SYNDIG1: variants seen among roughly 807,000 people sequenced by gnomAD.
SYNDIG1 encodes the protein synapse differentiation inducing 1, also known as synapse differentiation-inducing gene protein 1.
A neutral mutation model predicts 19.4 loss-of-function variants in SYNDIG1; 9 were observed. That is an observed-to-expected ratio of 0.46 (90% CI 0.28 to 0.81). The LOEUF (loss-of-function observed/expected upper bound fraction) is 0.81. SYNDIG1 is among the 30% of genes least tolerant of loss of function. SYNDIG1 has a pLI of 0.12. For missense variants in SYNDIG1, 311 were observed against 343.3 expected (o/e 0.91, Z 0.74); for synonymous variants, 141 against 145.9 (o/e 0.97, Z 0.24).
At chr20:24,580,369 GT>G (rs1299303752) in intron 2 of SYNDIG1, among the ~76,000 whole-genome samples, 1 of 152,092 alleles carries the variant, frequency 6.6e-6, no homozygotes, top group Admixed American at 6.5e-5. Flanking sequence ...GAGCTGGGGT[GT>G]TTTTGTCTGC....
At chr20:24,510,401 T>A (rs1309522472) in intron 1 of SYNDIG1, among the ~76,000 whole-genome samples, 1 of 150,686 alleles carries the variant, frequency 6.6e-6, no homozygotes, top group African/African-American at 2.4e-5. Context: ...AAACCCCATC[T>A]GTACTTAAAA....
chr20:24,539,735 G>A (rs1374001054), intron 1 of SYNDIG1, among the ~76,000 whole-genome samples: 1 of 151,628 alleles, frequency 6.6e-6, no homozygotes, highest in Non-Finnish European at 1.5e-5. Context: ...CCATTTATTT[G>A]TGTCTTCTTT....
At chr20:24,507,035 C>T (rs899592091) in intron 1 of SYNDIG1, among the ~76,000 whole-genome samples, 1 of 152,228 alleles carries the variant, frequency 6.6e-6, no homozygotes, top group Non-Finnish European at 1.5e-5. Flanking sequence ...ATGTAGCTTG[C>T]ATGGGAAGTG....
At position 24,650,694 on chromosome 20, in the gene SYNDIG1, C is replaced by T. The variant is rs574961343; in HGVS notation, c.619-14652C>T. ...GCTCTTGCCAGCTGTAATGGTTCTG[C>T]AGTATGCGTGGAAATGGACTGTTTG... On this transcript the variant is annotated intron_variant, in intron 3 of 3. Coordinates refer to ENST00000376862, the MANE Select transcript of SYNDIG1 (RefSeq NM_024893.3). 1.1e-4 allele frequency among the ~76,000 whole-genome samples: 16 copies of T among 152,362 alleles called. No homozygotes were observed. The East Asian group carries it at 3.1e-3, about 29-fold the overall frequency.
chr20:24,476,022 G>A (rs1463181611), intron 1 of SYNDIG1, among the ~76,000 whole-genome samples: 5 of 151,916 alleles, frequency 3.3e-5, no homozygotes, highest in Non-Finnish European at 2.9e-5. Flanking sequence ...CACCATGCCC[G>A]GCTAATTTTT....
intron 1 of SYNDIG1, among the ~76,000 whole-genome samples, chr20:24,528,496 C>G (rs756552032): frequency 3.3e-5 from 5 of 152,188 alleles, no homozygotes; most frequent in South Asian, 2.1e-4. Flanking sequence ...CTGGCAGATT[C>G]AGTGTCTGAT....
intron 1 of SYNDIG1, among the ~76,000 whole-genome samples, chr20:24,499,772 G>A (rs1490777872): frequency 6.6e-6 from 1 of 152,164 alleles, no homozygotes; most frequent in Non-Finnish European, 1.5e-5. Flanking sequence ...TCCTTGGTAA[G>A]GCAAGGAGTG....
intron 3 of SYNDIG1, among the ~76,000 whole-genome samples, chr20:24,645,061 A>G (rs531951393): frequency 3.7e-4 from 57 of 152,340 alleles, no homozygotes; most frequent in African/African-American, 1.1e-3. Context: ...ATGCTCTTAC[A>G]TTAGCAAAAA....
chr20:24,518,921 G>A (rs549440311), intron 1 of SYNDIG1, among the ~76,000 whole-genome samples: 1 of 152,334 alleles, frequency 6.6e-6, no homozygotes, highest in East Asian at 1.9e-4. Context: ...GAAGCAGGGT[G>A]CTCCAGCAGG....
intron 2 of SYNDIG1, among the ~76,000 whole-genome samples, chr20:24,546,624 C>T (rs1445668947): frequency 6.6e-6 from 1 of 152,214 alleles, no homozygotes; most frequent in Non-Finnish European, 1.5e-5. Context: ...CAAGTCTTTG[C>T]CTGTGTCCTG....
intron 1 of SYNDIG1, among the ~76,000 whole-genome samples, chr20:24,514,220 C>T (rs1338081542): frequency 1.2e-4 from 19 of 152,100 alleles, no homozygotes; most frequent in Admixed American, 9.2e-4. Flanking sequence ...CATCAACTAA[C>T]GAGCAAAATA....
At chr20:24,482,161 G>A (rs568102015) in intron 1 of SYNDIG1, among the ~76,000 whole-genome samples, 1 of 152,232 alleles carries the variant, frequency 6.6e-6, no homozygotes, top group African/African-American at 2.4e-5. Flanking sequence ...AGAAATACAT[G>A]GAAAAACATA....
intron 1 of SYNDIG1, among the ~76,000 whole-genome samples, chr20:24,525,035 G>A (rs1172439838): frequency 1.3e-5 from 2 of 151,874 alleles, no homozygotes; most frequent in African/African-American, 4.8e-5. Flanking sequence ...TGCATTTAAG[G>A]CTACATATTT....
intron 2 of SYNDIG1, among the ~76,000 whole-genome samples, chr20:24,558,173 TG>T (rs1258030223): frequency 1.3e-5 from 2 of 152,180 alleles, no homozygotes; most frequent in Non-Finnish European, 2.9e-5. Flanking sequence ...TTGAAAGGCC[TG>T]GGGGTACTTT....
chr20:24,496,185 A>G (rs2056300840), intron 1 of SYNDIG1, among the ~76,000 whole-genome samples: 1 of 152,182 alleles, frequency 6.6e-6, no homozygotes, highest in Non-Finnish European at 1.5e-5. Flanking sequence ...TGCATGTTTC[A>G]GGAGCAGCAA....
Position 24,665,474 on chromosome 20 carries a change from C to G in SYNDIG1, c.747C>G (p.Ile249Met), listed in dbSNP as rs771960685. 4.3e-6 allele frequency: 7 copies of G among 1,614,068 alleles called. No individual in the cohort carries two copies. In the South Asian group the frequency reaches 7.7e-5, roughly 18 times the overall value. Reference sequence around the variant, plus strand: ...ATGTGGGCGTGGCCGTGGCCCTCATCGCCTACCTCTCCAAGAACAACCACC... The same window carrying G: ...ATGTGGGCGTGGCCGTGGCCCTCATGGCCTACCTCTCCAAGAACAACCACC... Reference protein sequence around the residue: ...GVYVGVAVALIAYLSKNNHL With the variant: ...GVYVGVAVALMAYLSKNNHL Residue 249 changes from isoleucine to methionine, a missense_variant, in exon 4 of 4, where the codon ATC becomes ATG. Physicochemically the swap from Ile to Met is conservative, Grantham distance 10. Coordinates refer to ENST00000376862, the MANE Select transcript of SYNDIG1 (RefSeq NM_024893.3).
At chr20:24,523,023 A>C (rs933326470) in intron 1 of SYNDIG1, among the ~76,000 whole-genome samples, 1 of 152,172 alleles carries the variant, frequency 6.6e-6, no homozygotes, top group South Asian at 2.1e-4. Context: ...TCACATTTCA[A>C]TATGAGATTT....
intron 1 of SYNDIG1, among the ~76,000 whole-genome samples, chr20:24,492,125 G>A (rs11907737): frequency 0.42 from 63,634 of 151,952 alleles, 13,788 homozygotes; most frequent in African/African-American, 0.51. Context: ...TGTCGCGTCC[G>A]TGTCCACAGT....
intron 2 of SYNDIG1, among the ~76,000 whole-genome samples, chr20:24,547,186 G>A (rs895018096): frequency 1.1e-4 from 16 of 152,176 alleles, no homozygotes; most frequent in South Asian, 6.2e-4. Flanking sequence ...TCTGAGCGGG[G>A]CTCCCTTGCT....
Sources: gnomAD v4.1 joint callset for allele counts (sites outside exome capture counted in the v4.1 genomes callset) on GRCh38, gnomAD v4.1.1 for gene constraint, MANE v1.5 for transcripts, NCBI Gene and HGNC (gene_info 2026-07-23, HGNC 2026-07-21) for gene names.